KCTD3: variants seen among roughly 807,000 people sequenced by gnomAD.
The protein encoded by KCTD3 is BTB/POZ domain-containing protein KCTD3.
A neutral mutation model predicts 85.8 loss-of-function variants in KCTD3; 41 were observed. The ratio of observed to expected loss-of-function variants is 0.48; its 90% confidence interval spans 0.37 to 0.62. KCTD3 has a LOEUF of 0.62. Ranked by LOEUF, KCTD3 falls within the 20% of genes least tolerant of loss-of-function variation. KCTD3 has a pLI of 0.00. For synonymous variants in KCTD3, 338 were observed against 345.4 expected (o/e 0.98, Z 0.24); for missense variants, 724 against 989.9 (o/e 0.73, Z 3.60).
rs933859932 is a variant in KCTD3 at position 215,602,531 on chromosome 1, C to T, written c.1138+330C>T. On this transcript the variant is annotated intron_variant, in intron 12 of 17. Transcript: ENST00000259154. ...TCCTATTAAAATAACTAATTTTTCA[C>T]TTAAAAATTAGGAGCTTTTTAAAAA... Among the ~76,000 whole-genome samples the T allele has an allele frequency of 1.1e-4, 16 of 151,092 alleles. No individual in the cohort carries two copies. In the East Asian group the frequency reaches 1.2e-3, roughly 11 times the overall value.
chr1:215,610,480 T>C (rs1451717459), intron 14 of KCTD3, among the ~76,000 whole-genome samples: 1 of 151,882 alleles, frequency 6.6e-6, no homozygotes, highest in African/African-American at 2.4e-5. Context: ...GAATAGGTTA[T>C]GGGTCAGTCT....
Position 215,602,208 on chromosome 1 carries a change from A to G in KCTD3, c.1138+7A>G. The G allele has an allele frequency of 7.4e-7, 1 of 1,343,796 alleles. No individual in the cohort carries two copies. The highest frequency in any genetic ancestry group is 1.1e-6 in the Non-Finnish European group (1 of 947,788). 83.2% of individuals were successfully genotyped at this position (1,343,796 alleles called of 1,614,324 possible). On this transcript the variant is annotated splice_region_variant and intron_variant, in intron 12 of 17. Coordinates refer to ENST00000259154, the MANE Select transcript of KCTD3 (RefSeq NM_016121.5). ...TACCTCACACCCAAAACAAGTTAGT[A>G]CATGGCCAATTATATACATTCTTGA...
Position 215,617,396 on chromosome 1 carries a change from G to A in KCTD3, c.1563-1490G>A, listed in dbSNP as rs79928550. ...CTTTGTGAGACCGAGTCTTCTACCC[G>A]TGTGATATGACAGATAGTGTCAGAA... On this transcript the variant is annotated intron_variant, in intron 15 of 17. Coordinates refer to ENST00000259154, the MANE Select transcript of KCTD3 (RefSeq NM_016121.5). 6.0e-3 allele frequency among the ~76,000 whole-genome samples: 907 copies of A among 152,230 alleles called. 22 individuals carry two copies. In the South Asian group the frequency reaches 0.073, roughly 12 times the overall value.
chr1:215,581,213 T>C (rs1276142874), intron 8 of KCTD3: 2 of 178,080 alleles, frequency 1.1e-5, no homozygotes, highest in Non-Finnish European at 2.4e-5. Context: ...ACCATTGTAC[T>C]CCAACCTGCG....
chr1:215,606,611 T>G (rs1655031233), intron 13 of KCTD3, among the ~76,000 whole-genome samples: 1 of 152,034 alleles, frequency 6.6e-6, no homozygotes, highest in Non-Finnish European at 1.5e-5. Context: ...GTTATAATGT[T>G]ATTGTGGGAT....
At chr1:215,587,797 C>T (rs1660068385) in intron 9 of KCTD3, among the ~76,000 whole-genome samples, 1 of 152,176 alleles carries the variant, frequency 6.6e-6, no homozygotes, top group Admixed American at 6.5e-5. Context: ...GTGAACTTTT[C>T]ATATTCTGTT....
Position 215,611,947 on chromosome 1 carries a change from G to T in KCTD3, c.1562+26G>T, listed in dbSNP as rs544915572. The T allele has an allele frequency of 1.5e-5, 21 of 1,422,608 alleles. No homozygotes were observed. The East Asian group carries it at 2.5e-4, about 17-fold the overall frequency. The allele number at this position is 1,422,608 out of a possible 1,614,324, so 88.1% of individuals were successfully genotyped here. ...GTAACACTTTATTGTAAAAATATTT[G>T]TATTCAGAAGCCACCTTTTGTCTTA... On this transcript the variant is annotated intron_variant, in intron 15 of 17. Coordinates refer to ENST00000259154, the MANE Select transcript of KCTD3 (RefSeq NM_016121.5).
intron 1 of KCTD3, among the ~76,000 whole-genome samples, chr1:215,568,150 T>A (rs1383482288): frequency 2.6e-5 from 4 of 152,172 alleles, no homozygotes. Flanking sequence ...GTGGTTTGGA[T>A]GTTGGAGATG....
At chr1:215,588,662 G>A (rs955528222) in intron 9 of KCTD3, among the ~76,000 whole-genome samples, 2 of 152,108 alleles carry the variant, frequency 1.3e-5, no homozygotes, top group Admixed American at 6.5e-5. Context: ...CACTTCCTGT[G>A]TTTGTAGCTA....
chr1:215,576,430 A>G (rs1659586618), intron 4 of KCTD3, among the ~76,000 whole-genome samples: 1 of 151,354 alleles, frequency 6.6e-6, no homozygotes, highest in Non-Finnish European at 1.5e-5. Flanking sequence ...CTGAAACTGG[A>G]TGTGGTGGTA....
chr1:215,593,719 G>A (rs1455855268), intron 9 of KCTD3, among the ~76,000 whole-genome samples: 3 of 152,092 alleles, frequency 2.0e-5, no homozygotes, highest in Non-Finnish European at 4.4e-5. Context: ...GATACTTGAA[G>A]CAGCCAAAGA....
chr1:215,568,209 G>T, intron 1 of KCTD3, among the ~76,000 whole-genome samples: 1 of 152,168 alleles, frequency 6.6e-6, no homozygotes, highest in East Asian at 1.9e-4. Flanking sequence ...TTTTCTTAGG[G>T]AAGAGTGCGG....
rs374568486 is a variant in KCTD3, at chr1:215,594,169, A to T, written c.818-1187A>T. On this transcript the variant is annotated intron_variant, in intron 9 of 17. Transcript: ENST00000259154. ...GCCATCATGCCCGGCCGATTATAAC[A>T]TTTTTAAGCTCAAGTGATCATTGAA... Among the ~76,000 whole-genome samples the T allele has an allele frequency of 4.7e-4, 72 of 152,180 alleles. No homozygotes were observed. The East Asian group carries it at 0.011, about 24-fold the overall frequency.
chr1:215,575,079 C>A (rs1185602378), intron 3 of KCTD3, among the ~76,000 whole-genome samples: 4 of 152,018 alleles, frequency 2.6e-5, no homozygotes, highest in Non-Finnish European at 4.4e-5. Flanking sequence ...TGGTGAAACC[C>A]CCTCTCTACT....
In KCTD3 at chr1:215,580,104, T is replaced by G; in HGVS notation, c.626+105T>G. On this transcript the variant is annotated intron_variant, in intron 8 of 17. Coordinates refer to ENST00000259154, the MANE Select transcript of KCTD3 (RefSeq NM_016121.5). ...AAGCTATTTTTTTTTAGTCATCAAG[T>G]TTTTTCCCTGCATATTTTACCCATG... is the stretch of plus-strand genomic sequence containing the variant. The G allele has an allele frequency of 4.2e-6, 3 of 708,806 alleles. No homozygotes were observed. The East Asian group carries it at 8.3e-5, about 20-fold the overall frequency. 43.9% of individuals were successfully genotyped at this position (708,806 alleles called of 1,614,324 possible). A position where few individuals can be genotyped will look rare whatever the true frequency, so the allele number is the denominator to read the frequency against.
intron 8 of KCTD3, 149 bp downstream of exon 8, chr1:215,580,148 G>A: frequency 1.7e-6 from 1 of 575,802 alleles, no homozygotes; most frequent in Non-Finnish European, 3.1e-6. Context: ...ATCTGATTAA[G>A]ATTTAGTGTA....
At chr1:215,581,347 T>C (rs1341291791) in intron 8 of KCTD3, among the ~76,000 whole-genome samples, 1 of 152,238 alleles carries the variant, frequency 6.6e-6, no homozygotes, top group Non-Finnish European at 1.5e-5. Flanking sequence ...TCTTTGGGGA[T>C]GGTTTTGTAT....
intron 8 of KCTD3, among the ~76,000 whole-genome samples, chr1:215,581,469 T>C (rs1319021696): frequency 6.6e-6 from 1 of 152,310 alleles, no homozygotes; most frequent in East Asian, 1.9e-4. Flanking sequence ...ACATATTATG[T>C]ACATATTTTT....
intron 9 of KCTD3, among the ~76,000 whole-genome samples, chr1:215,587,617 G>C (rs895666636): frequency 1.3e-5 from 2 of 152,304 alleles, no homozygotes; most frequent in South Asian, 2.1e-4. Flanking sequence ...TTTTTGAACT[G>C]TGATATCTAT....
Sources: allele counts gnomAD v4.1 joint callset (sites outside exome capture counted in the v4.1 genomes callset), GRCh38; gene constraint gnomAD v4.1.1; transcripts MANE v1.5; gene names NCBI Gene and HGNC (gene_info 2026-07-23, HGNC 2026-07-21).